ASXL2: variants seen among roughly 807,000 people sequenced by gnomAD.
ASXL2 encodes putative Polycomb group protein ASXL2.
ASXL2 carries 23 observed loss-of-function variants against 122.0 expected under a neutral mutation model. That is an observed-to-expected ratio of 0.19 (90% confidence interval 0.14 to 0.27). ASXL2 has a LOEUF of 0.27. ASXL2 is among the 10% of genes least tolerant of loss of function. The probability of loss-of-function intolerance (pLI) is 1.00; values close to 1 mark genes in which losing one functional copy is unlikely to be tolerated. For missense variants in ASXL2, 1,518 were observed against 1,713.8 expected (o/e 0.89, Z 2.02); for synonymous variants, 650 against 637.0 (o/e 1.02, Z -0.31).
rs746866976 is a variant in ASXL2, at chr2:25,741,994, C to A, written c.*35G>T. 6.4e-7 allele frequency: 1 copy of A among 1,564,402 alleles called. No homozygotes were observed. The highest frequency in any genetic ancestry group is 2.3e-5 in the East Asian group (1 of 44,192). ...AACCCAACTGGTCAACCCTTCCCTT[C>A]CCCCTCCTTTACAGTGTATCTCTTT... is the stretch of plus-strand genomic sequence containing the variant. On this transcript the variant is annotated 3_prime_UTR_variant, in exon 13 of 13. Coordinates refer to ENST00000435504, the MANE Select transcript of ASXL2 (RefSeq NM_018263.6).
At chr2:25,758,554 T>G (rs1297316327) in intron 9 of ASXL2, among the ~76,000 whole-genome samples, 1 of 152,202 alleles carries the variant, frequency 6.6e-6, no homozygotes, top group Non-Finnish European at 1.5e-5. Context: ...CTGGGTACAC[T>G]GTTTTCCTTG....
rs754374994 is a variant in ASXL2 at position 25,767,776 on chromosome 2, A to T, written c.632-50T>A. ...GACTGGTAGCACTGAGATTATAGAC[A>T]GAATCAATTAATCAATCATTCAACA... is the stretch of plus-strand genomic sequence containing the variant. On this transcript the variant is annotated intron_variant, in intron 7 of 12. Transcript: ENST00000435504. 4 of 1,586,226 alleles carry T rather than the reference A, an allele frequency of 2.5e-6. No homozygotes were observed. In the South Asian group the frequency reaches 4.5e-5, roughly 18 times the overall value.
intron 5 of ASXL2, among the ~76,000 whole-genome samples, chr2:25,796,992 G>GAACAT (rs2088920597): frequency 6.6e-6 from 1 of 152,070 alleles, no homozygotes. Flanking sequence ...AAAACTCCCA[G>GAACAT]AACATAACAT....
intron 5 of ASXL2, among the ~76,000 whole-genome samples, chr2:25,773,108 C>A (rs1459209649): frequency 6.6e-6 from 1 of 151,580 alleles, no homozygotes; most frequent in African/African-American, 2.4e-5. Context: ...ACTCAGGAGG[C>A]TGAGCAGGAG....
intron 8 of ASXL2, among the ~76,000 whole-genome samples, chr2:25,760,398 A>C (rs1388651885): frequency 6.6e-6 from 1 of 152,170 alleles, no homozygotes; most frequent in East Asian, 1.9e-4. Context: ...TTAAAAATGC[A>C]AATTAAACCA....
At chr2:25,813,551 C>T (rs1432699292) in intron 3 of ASXL2, among the ~76,000 whole-genome samples, 1 of 152,076 alleles carries the variant, frequency 6.6e-6, no homozygotes, top group Non-Finnish European at 1.5e-5. Context: ...GTTTTTCAAC[C>T]ACTGCGGATA....
At chr2:25,759,686 G>T in intron 8 of ASXL2, 41 bp from the exon 9 acceptor site, 3 of 1,580,412 alleles carry the variant, frequency 1.9e-6, no homozygotes, top group Non-Finnish European at 2.6e-6. Context: ...TCCCTCACAA[G>T]TCCTGTTTCT....
intron 2 of ASXL2, among the ~76,000 whole-genome samples, chr2:25,838,613 CAAG>C (rs756235062): frequency 1.9e-4 from 29 of 152,190 alleles, no homozygotes; most frequent in Non-Finnish European, 1.6e-4. Flanking sequence ...TTTGTAATGA[CAAG>C]AAGAAATATG....
At chr2:25,874,141 C>T (rs189327054) in intron 1 of ASXL2, among the ~76,000 whole-genome samples, 32 of 151,932 alleles carry the variant, frequency 2.1e-4, no homozygotes, top group African/African-American at 7.7e-4. Context: ...TCCAGGAGTT[C>T]AAGACCAGCC....
intron 5 of ASXL2, among the ~76,000 whole-genome samples, chr2:25,795,492 A>G (rs1015408333): frequency 2.6e-5 from 4 of 152,212 alleles, no homozygotes; most frequent in African/African-American, 9.6e-5. Flanking sequence ...AGAGACAGCC[A>G]TTAATAACCG....
chr2:25,775,961 T>C (rs563190319), intron 5 of ASXL2, among the ~76,000 whole-genome samples: 93 of 152,364 alleles, frequency 6.1e-4, no homozygotes, highest in African/African-American at 2.0e-3. Flanking sequence ...GGATTTAGGT[T>C]TAAACTTTGG....
chr2:25,829,804 GAGA>G (rs928545593), intron 3 of ASXL2, among the ~76,000 whole-genome samples: 9 of 152,302 alleles, frequency 5.9e-5, no homozygotes, highest in South Asian at 2.1e-4. Flanking sequence ...AAGCAAGTGG[GAGA>G]AGATCACAAA....
intron 1 of ASXL2, among the ~76,000 whole-genome samples, chr2:25,858,689 CT>C (rs1204613090): frequency 1.3e-5 from 2 of 149,596 alleles, no homozygotes; most frequent in African/African-American, 4.9e-5. Context: ...CGCCACTGTA[CT>C]CCAGCCTGGC....
chr2:25,783,784 G>A (rs1233355426), intron 5 of ASXL2, among the ~76,000 whole-genome samples: 1 of 151,800 alleles, frequency 6.6e-6, no homozygotes, highest in African/African-American at 2.4e-5. Context: ...GGCCGGGTGC[G>A]GTGGCTCACG....
At chr2:25,852,395 C>T (rs980583735) in intron 1 of ASXL2, among the ~76,000 whole-genome samples, 2 of 152,156 alleles carry the variant, frequency 1.3e-5, no homozygotes, top group African/African-American at 2.4e-5. Context: ...GCCTAAATAA[C>T]GGGAATATTT....
At chr2:25,749,055 G>C (rs969976650) in intron 12 of ASXL2, among the ~76,000 whole-genome samples, 1 of 141,938 alleles carries the variant, frequency 7.0e-6, no homozygotes, top group Non-Finnish European at 1.6e-5. Flanking sequence ...AGTTATGGTA[G>C]CAAGAAAAGG....
At chr2:25,764,059 A>G (rs2088298463) in intron 8 of ASXL2, among the ~76,000 whole-genome samples, 1 of 152,268 alleles carries the variant, frequency 6.6e-6, no homozygotes, top group African/African-American at 2.4e-5. Context: ...TTCAAAGTGA[A>G]TAATAAAAAC....
intron 3 of ASXL2, among the ~76,000 whole-genome samples, chr2:25,834,124 G>A (rs986392373): frequency 1.2e-4 from 19 of 152,250 alleles, no homozygotes; most frequent in Middle Eastern, 3.4e-3. Flanking sequence ...AGGCCAAGGC[G>A]GGCAGATCAC....
intron 5 of ASXL2, among the ~76,000 whole-genome samples, chr2:25,788,162 C>T (rs529645421): frequency 6.6e-5 from 10 of 152,174 alleles, no homozygotes; most frequent in African/African-American, 2.4e-4. Context: ...GATATCCCTA[C>T]GGGGTGAAAG....
Sources: allele counts gnomAD v4.1 joint callset (sites outside exome capture counted in the v4.1 genomes callset), GRCh38; gene constraint gnomAD v4.1.1; transcripts MANE v1.5; gene names NCBI Gene and HGNC (gene_info 2026-07-23, HGNC 2026-07-21).